SND1: variants seen among roughly 807,000 people sequenced by gnomAD.
The protein encoded by SND1 is staphylococcal nuclease and tudor domain containing 1.
Under a neutral mutation model 121.7 loss-of-function variants are expected in SND1, and 38 were observed. That is an observed-to-expected ratio of 0.31 (90% confidence interval 0.24 to 0.41). The LOEUF (loss-of-function observed/expected upper bound fraction) is 0.41. Ranked by LOEUF, SND1 falls within the 10% of genes least tolerant of loss-of-function variation. SND1 has a pLI of 1.00. For missense variants in SND1, 868 were observed against 1,184.6 expected, an observed-to-expected ratio of 0.73 and a Z score of 3.92; for synonymous variants, 401 against 447.4, an observed-to-expected ratio of 0.90 and a Z score of 1.31.
At chr7:127,733,379 G>A (rs1038743314) in intron 10 of SND1, among the ~76,000 whole-genome samples, 2 of 152,106 alleles carry the variant, frequency 1.3e-5, no homozygotes, top group Non-Finnish European at 2.9e-5. Flanking sequence ...CCCATGCTTT[G>A]TATATCTTTC....
intron 14 of SND1, among the ~76,000 whole-genome samples, chr7:127,912,356 G>A (rs1584661339): frequency 6.6e-6 from 1 of 152,122 alleles, no homozygotes; most frequent in East Asian, 1.9e-4. Context: ...TGACTGAGTT[G>A]TGTTGTTTTT....
chr7:127,889,351 TG>T (rs1343009954), intron 13 of SND1, among the ~76,000 whole-genome samples: 61 of 152,092 alleles, frequency 4.0e-4, no homozygotes, highest in African/African-American at 1.4e-3. Context: ...GGTTCTGTTT[TG>T]TTTTTTTTTT....
At chr7:127,653,305 C>T (rs566164574) in intron 1 of SND1, among the ~76,000 whole-genome samples, 33 of 152,182 alleles carry the variant, frequency 2.2e-4, no homozygotes, top group Non-Finnish European at 4.6e-4. Flanking sequence ...TTCAGTTTAT[C>T]ACTTGCCCCC....
intron 14 of SND1, among the ~76,000 whole-genome samples, chr7:127,920,547 A>T (rs1366806845): frequency 6.6e-6 from 1 of 152,202 alleles, no homozygotes; most frequent in Non-Finnish European, 1.5e-5. Flanking sequence ...TATGGAAAAA[A>T]GGGGAAAAGG....
intron 10 of SND1, among the ~76,000 whole-genome samples, chr7:127,789,396 C>CT (rs1375743106): frequency 2.6e-5 from 4 of 152,168 alleles, no homozygotes; most frequent in African/African-American, 9.7e-5. Flanking sequence ...AAATGCGAGC[C>CT]TAGCCCTGTC....
At chr7:127,719,963 TTTC>T (rs570490776) in intron 9 of SND1, among the ~76,000 whole-genome samples, 260 of 152,366 alleles carry the variant, frequency 1.7e-3, no homozygotes, top group African/African-American at 5.9e-3. Context: ...CTTGAGATTG[TTTC>T]TTAAGGCATT....
chr7:127,906,889 T>A (rs1295968105), intron 14 of SND1, among the ~76,000 whole-genome samples: 2 of 152,200 alleles, frequency 1.3e-5, no homozygotes, highest in Non-Finnish European at 2.9e-5. Context: ...TAGCAGTGGG[T>A]CTTGTGAAAC....
chr7:127,985,094 C>T (rs1802354574), intron 15 of SND1, among the ~76,000 whole-genome samples: 1 of 152,238 alleles, frequency 6.6e-6, no homozygotes. Flanking sequence ...TACAGCACCA[C>T]TCCCTCCCTC....
intron 10 of SND1, among the ~76,000 whole-genome samples, chr7:127,737,037 A>C (rs1009376413): frequency 2.0e-5 from 3 of 151,890 alleles, no homozygotes; most frequent in African/African-American, 4.8e-5. Flanking sequence ...TGTGATAAAA[A>C]CAGTCACCCC....
At position 128,085,612 on chromosome 7, in the gene SND1, G is replaced by A. The variant is rs894937508; in HGVS notation, c.2235-99G>A. On this transcript the variant is annotated intron_variant, in intron 19 of 23. Transcript: ENST00000354725. This position sits in a 1 kb window ranked among gnomAD's most constrained non-coding sequence, Gnocchi z 4.4. ...CCCCTGTGACACCCGTTGAACCCAG[G>A]CAGGGAAATGCTGTGCCCCTGCCCC... The A allele has an allele frequency of 9.6e-6, 10 of 1,044,138 alleles. No homozygotes were observed. 64.7% of individuals were successfully genotyped at this position (1,044,138 alleles called of 1,614,324 possible).
At chr7:127,838,368 C>T (rs186079184) in intron 11 of SND1, among the ~76,000 whole-genome samples, 21 of 152,314 alleles carry the variant, frequency 1.4e-4, no homozygotes, top group African/African-American at 5.1e-4. Context: ...TAACAATTTA[C>T]AGGCTAAAAA....
intron 11 of SND1, among the ~76,000 whole-genome samples, chr7:127,824,947 T>C (rs1044637545): frequency 3.3e-5 from 5 of 152,186 alleles, no homozygotes; most frequent in Non-Finnish European, 7.4e-5. Flanking sequence ...AATAGTTTTG[T>C]TACTTGAAAG....
At chr7:127,764,326 A>G (rs1213126873) in intron 10 of SND1, among the ~76,000 whole-genome samples, 2 of 152,196 alleles carry the variant, frequency 1.3e-5, no homozygotes, top group Non-Finnish European at 2.9e-5. Flanking sequence ...GTGTACTTCC[A>G]CTTCCACATC....
chr7:128,051,264 A>G (rs1286346923), intron 16 of SND1, among the ~76,000 whole-genome samples: 1 of 152,224 alleles, frequency 6.6e-6, no homozygotes, highest in Non-Finnish European at 1.5e-5. Flanking sequence ...CAGGAAAGAC[A>G]TTTGAGATGA....
At chr7:127,957,648 A>G (rs1801626835) in intron 15 of SND1, among the ~76,000 whole-genome samples, 1 of 152,150 alleles carries the variant, frequency 6.6e-6, no homozygotes, top group Admixed American at 6.5e-5. Context: ...TTCTTAGACT[A>G]AGAATTGTGT....
chr7:127,687,213 G>A (rs927987066), intron 2 of SND1: 1 of 152,634 alleles, frequency 6.6e-6, no homozygotes, highest in African/African-American at 2.4e-5. Context: ...AGGGTCTTGT[G>A]TCTCCTTCCA....
chr7:127,652,443 A>G lies in SND1; in HGVS notation c.70A>G (p.Ile24Val), dbSNP rs2116210489. Residue 24 changes from isoleucine (I) to valine (V), a missense_variant, in exon 1 of 24, where the codon ATC becomes GTC. Physicochemically the swap from Ile to Val is conservative, Grantham distance 29. Around this residue, in one of 2 missense-constraint regions of SND1, gnomAD observed 125 missense variants for 113.3 expected, o/e 1.10. Transcript: ENST00000354725. ...PAVPTVQRGI[I>V]KMVLSGCAII... ...GGTCCCCACCGTGCAGCGGGGCATC[A>G]TCAAGATGGTGAGAACGGGCCCCGG... is the stretch of plus-strand genomic sequence containing the variant. 1 of 1,577,028 alleles carries G rather than the reference A, an allele frequency of 6.3e-7. No homozygotes were observed. The highest frequency in any genetic ancestry group is 1.2e-5 in the South Asian group (1 of 85,418).
intron 15 of SND1, among the ~76,000 whole-genome samples, chr7:127,975,338 C>T (rs868185099): frequency 8.5e-5 from 13 of 152,102 alleles, no homozygotes; most frequent in Middle Eastern, 6.8e-3. Context: ...TGTGGGCGCG[C>T]GCGCATGTGC....
At chr7:128,073,371 T>C (rs1276616540) in intron 16 of SND1, among the ~76,000 whole-genome samples, 1 of 152,210 alleles carries the variant, frequency 6.6e-6, no homozygotes, top group Non-Finnish European at 1.5e-5. Context: ...AAGGATCAAA[T>C]GTGGGCCTCA....
Sources: allele counts gnomAD v4.1 joint callset (sites outside exome capture counted in the v4.1 genomes callset), GRCh38; gene constraint gnomAD v4.1.1; regional missense constraint gnomAD v4.1.1; non-coding constraint Gnocchi (gnomAD v3.1); transcripts MANE v1.5; gene names NCBI Gene and HGNC (gene_info 2026-07-23, HGNC 2026-07-21).